CAPN12: variants seen among roughly 807,000 people sequenced by gnomAD.
CAPN12 encodes the protein calpain 12.
CAPN12 carries 107 observed loss-of-function variants against 95.0 expected under a neutral mutation model. That is an observed-to-expected ratio of 1.13 (90% CI 0.96 to 1.32). CAPN12 has a LOEUF of 1.32. Ranked by LOEUF, CAPN12 falls within the 40% of genes most tolerant of loss-of-function variation. CAPN12 has a pLI of 0.00. For missense variants in CAPN12, 1,136 were observed against 997.8 expected, an observed-to-expected ratio of 1.14 and a Z score of -1.87; for synonymous variants, 505 against 415.5, an observed-to-expected ratio of 1.22 and a Z score of -2.62.
Position 38,731,193 on chromosome 19 carries a change from G to A in CAPN12, c.1988C>T (p.Thr663Ile), listed in dbSNP as rs1568762723. 1 of 1,612,894 alleles carries A rather than the reference G, an allele frequency of 6.2e-7. No homozygotes were observed. Among genetic ancestry groups the A allele is most frequent in the Non-Finnish European group, 8.5e-7 (1 of 1,180,026 alleles). ...GCTATCCCGGTAGCGGCTGGTGAGG[G>A]TCTGGGTCAGCTGGTTGTTCAGGTG... ...GFHLNNQLTQ[T>I]LTSRYRDSRL... is the part of the protein sequence containing the mutation. Residue 663 changes from threonine (T) to isoleucine (I), a missense_variant, in exon 19 of 21, where the codon ACC becomes ATC. By Grantham distance (89) the Thr-to-Ile change is moderately conservative (BLOSUM62 -1). Transcript: ENST00000328867.
chr19:38,733,570 G>A, intron 18 of CAPN12, 133 bp downstream of exon 18: 1 of 770,736 alleles, frequency 1.3e-6, no homozygotes, highest in Non-Finnish European at 2.1e-6. Flanking sequence ...GCCAGGGACT[G>A]GCAACAAGCT....
rs765944617 is a variant in CAPN12, at chr19:38,734,307, C to T, written c.1815+12G>A. On this transcript the variant is annotated intron_variant, in intron 16 of 20. Coordinates refer to ENST00000328867, the MANE Select transcript of CAPN12 (RefSeq NM_144691.4). ...CACTCCCTCCCTCACCCAGGCACTG[C>T]CCCCCATGTACCCCGAAACACTGCA... The T allele has an allele frequency of 8.4e-5, 134 of 1,604,078 alleles. No individual in the cohort carries two copies. The highest frequency in any genetic ancestry group is 1.1e-4 in the Non-Finnish European group (131 of 1,174,568).
Position 38,740,154 on chromosome 19 carries a change from C to T in CAPN12, c.626G>A (p.Gly209Asp), listed in dbSNP as rs1330857727. The T allele has an allele frequency of 8.7e-6, 14 of 1,613,448 alleles. No individual in the cohort carries two copies. Among genetic ancestry groups the T allele is most frequent in the Non-Finnish European group, 1.2e-5 (14 of 1,179,748 alleles). The change falls in exon 5 of 21, where the codon GGC (glycine) becomes GAC (aspartate). Residue 209 changes from glycine (G) to aspartate (D), a missense_variant. Physicochemically the swap from Gly to Asp is moderately conservative, Grantham distance 94 (BLOSUM62 -1). Transcript: ENST00000328867. The stretch of plus-strand genomic sequence containing the variant: ...CAGATAGAGCACCTCGCCCACGCCG[C>T]CTGTGAAATCCACAAAAGCCTCATT... Reference protein sequence around the residue: ...HMNEAFVDFTGGVGEVLYLRQ... With the variant: ...HMNEAFVDFTDGVGEVLYLRQ...
intron 4 of CAPN12, among the ~76,000 whole-genome samples, chr19:38,741,399 C>A (rs1970535279): frequency 6.6e-6 from 1 of 151,808 alleles, no homozygotes; most frequent in South Asian, 2.1e-4. Context: ...ATGGTGAAAC[C>A]CCATCTCTAC....
chr19:38,735,587 C>T, intron 12 of CAPN12, 43 bp from the exon 13 acceptor site: 1 of 1,596,278 alleles, frequency 6.3e-7, no homozygotes, highest in Non-Finnish European at 8.5e-7. Context: ...CTGTTTGCCC[C>T]AGCTGGGGCT....
chr19:38,732,377 G>A (rs1377988884), intron 18 of CAPN12, among the ~76,000 whole-genome samples: 1 of 152,178 alleles, frequency 6.6e-6, no homozygotes, highest in African/African-American at 2.4e-5. Flanking sequence ...TGTTGCCCAG[G>A]CTGGAGTACA....
Position 38,736,136 on chromosome 19 carries a change from G to C in CAPN12, c.1557C>G (p.Val519=). The C allele has an allele frequency of 6.6e-7, 1 of 1,512,256 alleles. No homozygotes were observed. The highest frequency in any genetic ancestry group is 8.8e-7 in the Non-Finnish European group (1 of 1,133,472). The allele number at this position is 1,512,256 out of a possible 1,614,324, so 93.7% of individuals were successfully genotyped here. ...CGGCCGTGTGGCGGCGCTCGGAGAAGACACGCAGAGTGAAGTCAGCCTCGT... is the reference window on the plus strand; with the variant it reads ...CGGCCGTGTGGCGGCGCTCGGAGAACACACGCAGAGTGAAGTCAGCCTCGT... ...AGDEADFTLR[V]FSERRHTAVE... is the part of the protein sequence containing the mutation. The change falls in exon 12 of 21, where the codon GTC becomes GTG. Residue 519 remains valine, a synonymous_variant. Coordinates refer to ENST00000328867, the MANE Select transcript of CAPN12 (RefSeq NM_144691.4).
intron 17 of CAPN12, 94 bp from the exon 18 acceptor site, chr19:38,733,875 A>G: frequency 2.8e-6 from 3 of 1,082,400 alleles, no homozygotes; most frequent in Non-Finnish European, 2.8e-6. Flanking sequence ...GCCCATCCCA[A>G]CTCCCTTTCT....
At chr19:38,738,252 C>T in intron 8 of CAPN12, 21 bp downstream of exon 8, 1 of 1,611,838 alleles carries the variant, frequency 6.2e-7, no homozygotes. Context: ...AGAGGCAGAG[C>T]TGGGACCCTG....
chr19:38,734,494 ATAT>A, intron 15 of CAPN12, 105 bp from the exon 16 acceptor site: 1 of 1,005,552 alleles, frequency 9.9e-7, no homozygotes, highest in Non-Finnish European at 1.4e-6. Flanking sequence ...TGTCAGTCCC[ATAT>A]TATAGAAGCC....
At chr19:38,736,510 TTGACCAAGCCCCAGGG>T in intron 11 of CAPN12, 26 bp downstream of exon 11, 1 of 1,526,852 alleles carries the variant, frequency 6.5e-7, no homozygotes, top group Non-Finnish European at 8.8e-7. Context: ...CCAGGGCAGG[TTGACCAAGCCCCAGGG>T]CCGGTTGACC....
chr19:38,736,506 C>CAGGTTGACCAAGCCCCAGGGT (rs1970168618), intron 11 of CAPN12, 46 bp downstream of exon 11: 1 of 1,581,564 alleles, frequency 6.3e-7, no homozygotes. Context: ...AGCCCCAGGG[C>CAGGTTGACCAAGCCCCAGGGT]AGGTTGACCA....
At position 38,738,650 on chromosome 19, in the gene CAPN12, T is replaced by G; in HGVS notation, c.730-2A>C. The G allele has an allele frequency of 6.2e-7, 1 of 1,613,864 alleles. No individual in the cohort carries two copies. The highest frequency in any genetic ancestry group is 8.5e-7 in the Non-Finnish European group (1 of 1,179,956). ...TGTGCGGTACTCACCCCGATCACTC[T>G]GGGCAGGGGATGGGATGGTGAGGCC... On this transcript the variant is annotated splice_acceptor_variant, in intron 5 of 20. Coordinates refer to ENST00000328867, the MANE Select transcript of CAPN12 (RefSeq NM_144691.4). LOFTEE classifies it high-confidence loss of function.
chr19:38,736,652 T>G, intron 10 of CAPN12, 89 bp from the exon 11 acceptor site: 2 of 1,335,872 alleles, frequency 1.5e-6, no homozygotes, highest in Non-Finnish European at 2.0e-6. Flanking sequence ...ACCTCTGTGC[T>G]CTCTCCCTCC....
At chr19:38,731,620 G>A (rs927743109) in intron 18 of CAPN12, 11 of 241,326 alleles carry the variant, frequency 4.6e-5, no homozygotes, top group African/African-American at 1.7e-4. Context: ...CCTCAGAGGC[G>A]ATTTCTAAAG....
chr19:38,737,506 G>C lies in CAPN12; in HGVS notation c.1098C>G (p.Gly366=), dbSNP rs370477907. ...VHTFQGRWVR[G]FNSGGSQPNA... The stretch of plus-strand genomic sequence containing the variant: ...TAGGCTGGCTCCCGCCGGAGTTGAA[G>C]CCACGCACCCAGCGGCCTTGGAAGG... The change falls in exon 9 of 21, where the codon GGC becomes GGG. Residue 366 remains glycine (G), a synonymous_variant. Coordinates refer to ENST00000328867, the MANE Select transcript of CAPN12 (RefSeq NM_144691.4). 3.7e-6 allele frequency: 6 copies of C among 1,612,586 alleles called. No individual in the cohort carries two copies. In the African/African-American group the frequency reaches 6.7e-5, roughly 18 times the overall value.
At chr19:38,737,449 G>A (rs554161956) in intron 9 of CAPN12, 26 bp downstream of exon 9, 4 of 1,612,018 alleles carry the variant, frequency 2.5e-6, no homozygotes, top group Non-Finnish European at 3.4e-6. Flanking sequence ...ACCCCAGGAA[G>A]CCTCTCAGGG....
In CAPN12 at chr19:38,730,196, A is replaced by C. The variant is rs984444025; in HGVS notation, c.*656T>G. Reference sequence around the variant, plus strand: ...AGAAAGAATTAAAAACTTTCAGAGAATTACTATTTACTTTATTAACTTACG... The same window carrying C: ...AGAAAGAATTAAAAACTTTCAGAGACTTACTATTTACTTTATTAACTTACG... On this transcript the variant is annotated 3_prime_UTR_variant, in exon 21 of 21. Coordinates refer to ENST00000328867, the MANE Select transcript of CAPN12 (RefSeq NM_144691.4). 6.4e-6 allele frequency: 1 copy of C among 157,290 alleles called. No individual in the cohort carries two copies. Among genetic ancestry groups the C allele is most frequent in the Admixed American group, 6.1e-5 (1 of 16,340 alleles). The allele number at this position is 157,290 out of a possible 1,614,324, so 9.7% of individuals were successfully genotyped here.
At position 38,738,265 on chromosome 19, in the gene CAPN12, G is replaced by C; in HGVS notation, c.965+8C>G. 6.2e-7 allele frequency: 1 copy of C among 1,611,886 alleles called. No individual in the cohort carries two copies. Among genetic ancestry groups the C allele is most frequent in the Non-Finnish European group, 8.5e-7 (1 of 1,179,986 alleles). ...CCAGAGGCAGAGCTGGGACCCTGAC[G>C]AACTGACCAGAACTCGCCATCCTCC... On this transcript the variant is annotated splice_region_variant and intron_variant, in intron 8 of 20. Coordinates refer to ENST00000328867, the MANE Select transcript of CAPN12 (RefSeq NM_144691.4).
Sources: allele counts gnomAD v4.1 joint callset (sites outside exome capture counted in the v4.1 genomes callset), GRCh38; gene constraint gnomAD v4.1.1; transcripts MANE v1.5; gene names NCBI Gene and HGNC (gene_info 2026-07-23, HGNC 2026-07-21).